MYO10: variants seen among roughly 807,000 people sequenced by gnomAD.
The protein encoded by MYO10 is myosin X, also known as unconventional myosin-X.
A neutral mutation model predicts 257.3 loss-of-function variants in MYO10; 133 were observed. The ratio of observed to expected loss-of-function variants is 0.52; its 90% CI spans 0.45 to 0.60. MYO10 has a LOEUF of 0.60. Ranked by LOEUF, MYO10 falls within the 20% of genes least tolerant of loss-of-function variation. MYO10 has a pLI of 0.00. For missense variants in MYO10, 2,399 were observed against 2,635.7 expected, an observed-to-expected ratio of 0.91 and a Z score of 1.97; for synonymous variants, 1,104 against 1,028.6, an observed-to-expected ratio of 1.07 and a Z score of -1.40.
chr5:16,906,240 C>T (rs1289030186), intron 1 of MYO10, among the ~76,000 whole-genome samples: 1 of 152,138 alleles, frequency 6.6e-6, no homozygotes, highest in African/African-American at 2.4e-5. Flanking sequence ...AACACCACAC[C>T]CTGGAATGAG....
chr5:16,778,670 A>C (rs10780098), intron 9 of MYO10, among the ~76,000 whole-genome samples: 118,211 of 147,356 alleles, frequency 0.8, 47,275 homozygotes, highest in Middle Eastern at 0.84. Flanking sequence ...TAGCAGGAAC[A>C]CCTCTCGCTT....
intron 4 of MYO10, among the ~76,000 whole-genome samples, chr5:16,785,978 T>C (rs1741567718): frequency 6.6e-6 from 1 of 152,142 alleles, no homozygotes; most frequent in African/African-American, 2.4e-5. Context: ...TATCAGCCAC[T>C]TCTATGCCTG....
At chr5:16,895,802 A>T (rs1057294547) in intron 1 of MYO10, among the ~76,000 whole-genome samples, 3 of 126,404 alleles carry the variant, frequency 2.4e-5, no homozygotes, top group East Asian at 4.4e-4. Context: ...ACACACACAC[A>T]CTCTGCCACC....
intron 9 of MYO10, among the ~76,000 whole-genome samples, chr5:16,773,707 T>G (rs903679829): frequency 2.7e-5 from 4 of 150,014 alleles, no homozygotes; most frequent in African/African-American, 9.7e-5. Flanking sequence ...AATTTCTAAC[T>G]GCCAAATAAA....
intron 9 of MYO10, among the ~76,000 whole-genome samples, chr5:16,778,992 C>T (rs968713527): frequency 6.6e-6 from 1 of 152,086 alleles, no homozygotes. Flanking sequence ...GCCTGGCCAT[C>T]TTCCTTTCAC....
intron 4 of MYO10, among the ~76,000 whole-genome samples, chr5:16,783,881 C>T (rs1368112113): frequency 6.6e-6 from 1 of 152,146 alleles, no homozygotes; most frequent in Admixed American, 6.5e-5. Flanking sequence ...AAAGCAGGTA[C>T]ACATGAATAA....
chr5:16,835,216 A>G (rs987001208), intron 2 of MYO10, among the ~76,000 whole-genome samples: 6 of 152,088 alleles, frequency 3.9e-5, no homozygotes, highest in African/African-American at 1.2e-4. Context: ...GATAACACAC[A>G]AGGTATTTAT....
Position 16,701,243 on chromosome 5 carries a change from A to T in MYO10, c.3152T>A (p.Val1051Glu). 1 of 1,613,202 alleles carries T rather than the reference A, an allele frequency of 6.2e-7. No homozygotes were observed. The highest frequency in any genetic ancestry group is 1.1e-5 in the South Asian group (1 of 90,886). Reference sequence around the variant, plus strand: ...GTCCTGCACTGATGGGGCGAGCAGCACCGTGCTGTCCGCACTGGGGCTGGT... The same window carrying T: ...GTCCTGCACTGATGGGGCGAGCAGCTCCGTGCTGTCCGCACTGGGGCTGGT... ...VPTSPSADSTVLLAPSVQDSG... is the reference protein window; with the variant it reads ...VPTSPSADSTELLAPSVQDSG... The change falls in exon 25 of 41, where the codon GTG (valine) becomes GAG (glutamate). Residue 1051 changes from valine to glutamate, a missense_variant. Transcript: ENST00000513610. The surrounding 1 kb of genome is among the most constrained non-coding windows in gnomAD (Gnocchi z 8.1).
chr5:16,882,615 C>A (rs192070293), intron 1 of MYO10, among the ~76,000 whole-genome samples: 275 of 151,946 alleles, frequency 1.8e-3, no homozygotes, highest in African/African-American at 6.3e-3. Context: ...AAAGATGGAC[C>A]ATACACATCA....
chr5:16,845,113 T>C (rs1303236700), intron 2 of MYO10, among the ~76,000 whole-genome samples: 2 of 152,166 alleles, frequency 1.3e-5, no homozygotes, highest in Non-Finnish European at 2.9e-5. Flanking sequence ...TTAAAAGTGC[T>C]ATACAGAACT....
chr5:16,805,944 C>A (rs1453467875), intron 3 of MYO10, among the ~76,000 whole-genome samples: 1 of 152,178 alleles, frequency 6.6e-6, no homozygotes, highest in East Asian at 1.9e-4. Flanking sequence ...CACCTAGTGT[C>A]AAATTTCACA....
At chr5:16,854,034 G>C (rs2126738984) in intron 2 of MYO10, 1 of 152,222 alleles carries the variant, frequency 6.6e-6, no homozygotes, top group Non-Finnish European at 1.5e-5. Flanking sequence ...GATCTCGTCT[G>C]ATCTCGTGAA....
chr5:16,864,958 G>A (rs778905232), intron 2 of MYO10, among the ~76,000 whole-genome samples: 2 of 152,116 alleles, frequency 1.3e-5, no homozygotes, highest in African/African-American at 2.4e-5. Context: ...AGTATAGACC[G>A]CTGATTTTAA....
At position 16,796,196 on chromosome 5, in the gene MYO10, A is replaced by AG. The variant is rs1362849230; in HGVS notation, c.280-1364_280-1363insC. ...AGAGCGAGACTCTGTCAAAAAAAAA[A>AG]AAAAAAAGAAAGAACAGAGAGAGAG... is the stretch of plus-strand genomic sequence containing the variant. On this transcript the variant is annotated intron_variant, in intron 3 of 40. Coordinates refer to ENST00000513610, the MANE Select transcript of MYO10 (RefSeq NM_012334.3). 9.2e-4 allele frequency among the ~76,000 whole-genome samples: 113 copies of AG among 123,216 alleles called. 4 individuals carry two copies. Among genetic ancestry groups the AG allele is most frequent in the Non-Finnish European group, 2.7e-4 (15 of 55,710 alleles). 80.8% of individuals were successfully genotyped at this position (123,216 alleles called of 152,430 possible).
At chr5:16,673,174 C>G (rs1237478365) in intron 36 of MYO10, among the ~76,000 whole-genome samples, 4 of 148,626 alleles carry the variant, frequency 2.7e-5, no homozygotes, top group Non-Finnish European at 4.4e-5. Context: ...CAAGGAACAA[C>G]AGAGACTCCA....
rs369228270 is a variant in MYO10 at position 16,701,623 on chromosome 5, G to C, written c.2772C>G (p.Asp924Glu). The stretch of plus-strand genomic sequence containing the variant: ...CCTCCTCCAGCCTGCGGAGCTCCTG[G>C]TCCCGCCGCTCCTGCAGCTTCTGCA... The part of the protein sequence containing the change: ...ASLQKLQERR[D>E]QELRRLEEEA... Residue 924 changes from aspartate (D) to glutamate (E), a missense_variant, in exon 25 of 41, where the codon GAC becomes GAG. By Grantham distance (45) the Asp-to-Glu change is conservative. Transcript: ENST00000513610. The surrounding 1 kb of genome is among the most constrained non-coding windows in gnomAD (Gnocchi z 8.1). 412 of 1,611,102 alleles carry C rather than the reference G, an allele frequency of 2.6e-4. No homozygotes were observed. The highest frequency in any genetic ancestry group is 3.2e-4 in the Non-Finnish European group (382 of 1,178,504).
intron 17 of MYO10, among the ~76,000 whole-genome samples, chr5:16,759,932 A>C (rs915475309): frequency 6.6e-6 from 1 of 152,124 alleles, no homozygotes; most frequent in Non-Finnish European, 1.5e-5. Flanking sequence ...ACTACCTTAT[A>C]TGGGCTCCCT....
At chr5:16,732,493 A>G (rs1430131801) in intron 19 of MYO10, among the ~76,000 whole-genome samples, 1 of 152,182 alleles carries the variant, frequency 6.6e-6, no homozygotes, top group Admixed American at 6.5e-5. Flanking sequence ...TCTGTCCACC[A>G]TATTGAACAG....
intron 2 of MYO10, among the ~76,000 whole-genome samples, chr5:16,867,784 C>T (rs976111963): frequency 2.3e-4 from 35 of 152,160 alleles, no homozygotes; most frequent in African/African-American, 8.4e-4. Flanking sequence ...AAGTCCCATG[C>T]AATCCCATGA....
Sources: gnomAD v4.1 joint callset for allele counts (sites outside exome capture counted in the v4.1 genomes callset) on GRCh38, gnomAD v4.1.1 for gene constraint, Gnocchi (gnomAD v3.1) non-coding constraint, MANE v1.5 for transcripts, NCBI Gene and HGNC (gene_info 2026-07-23, HGNC 2026-07-21) for gene names.